PCNT: variants seen among roughly 807,000 people sequenced by gnomAD.
PCNT encodes kendrin.
In PCNT, 319 loss-of-function variants were observed where a neutral mutation model predicts 380.4. The observed-to-expected ratio is 0.84, with a 90% CI of 0.77 to 0.92. PCNT has a LOEUF of 0.92. Among genes scored for constraint, PCNT ranks in the 40% least tolerant of loss-of-function variants. The pLI is 0.00. For missense variants in PCNT, 4,400 were observed against 4,255.3 expected (o/e 1.03, Z -0.95); for synonymous variants, 1,845 against 1,735.2 (o/e 1.06, Z -1.57).
intron 13 of PCNT, among the ~76,000 whole-genome samples, chr21:46,357,767 C>G (rs1396576160): frequency 3.3e-5 from 5 of 152,174 alleles, no homozygotes; most frequent in Non-Finnish European, 7.4e-5. Context: ...GTCCAGGTGT[C>G]CTAAGAGGGC....
chr21:46,397,889 G>T, intron 22 of PCNT, 125 bp from the exon 23 acceptor site: 1 of 713,942 alleles, frequency 1.4e-6, no homozygotes, highest in Non-Finnish European at 2.5e-6. Flanking sequence ...GATGAGGGGG[G>T]TATTTGGAGT....
chr21:46,415,138 TCC>T (rs998371861), intron 29 of PCNT, among the ~76,000 whole-genome samples: 20 of 152,238 alleles, frequency 1.3e-4, no homozygotes, highest in Non-Finnish European at 2.2e-4. Flanking sequence ...TGCCGCCTGT[TCC>T]TGGGTCCACA....
At position 46,436,997 on chromosome 21, in the gene PCNT, G is replaced by A. The variant is rs79359463; in HGVS notation, c.9015G>A (p.Thr3005=). Residue 3005 remains threonine (T), a synonymous_variant, in exon 40 of 47, where the codon ACG becomes ACA. Transcript: ENST00000359568. ...QAVDRTVNDW[T]SSNEKAVMSL... ...TTTACAGGACAGTTAATGATTGGAC[G>A]TCATCCAATGAGAAAGCAGTGATGT... The A allele has an allele frequency of 1.7e-3, 2,783 of 1,613,778 alleles. 38 individuals are homozygous for A. In the African/African-American group the frequency reaches 0.032, roughly 19 times the overall value.
chr21:46,388,814 G>A lies in PCNT; in HGVS notation c.3537G>A (p.Leu1179=). 1.2e-6 allele frequency: 2 copies of A among 1,613,350 alleles called. No homozygotes were observed. Among genetic ancestry groups the A allele is most frequent in the Non-Finnish European group, 1.7e-6 (2 of 1,179,970 alleles). The change falls in exon 18 of 47, where the codon CTG becomes CTA. Residue 1179 remains leucine (L), a synonymous_variant. Coordinates refer to ENST00000359568, the MANE Select transcript of PCNT (RefSeq NM_006031.6). The surrounding 1 kb of genome is among the most constrained non-coding windows in gnomAD (Gnocchi z 4.2). ...FGETLRAAVT[L]RSRIGERVGL... is the part of the protein sequence containing the mutation. ...AGACGCTGAGGGCAGCCGTCACCCT[G>A]AGGAGCCGGATCGGGGAGCGCGTGG... is the stretch of plus-strand genomic sequence containing the variant.
intron 15 of PCNT, among the ~76,000 whole-genome samples, chr21:46,377,575 C>T (rs1042884608): frequency 1.3e-5 from 2 of 152,092 alleles, no homozygotes; most frequent in Non-Finnish European, 2.9e-5. Flanking sequence ...TATTTCATCA[C>T]CTCAAAAAGA....
intron 16 of PCNT, among the ~76,000 whole-genome samples, chr21:46,383,795 G>A (rs2085696908): frequency 1.5e-5 from 2 of 133,650 alleles, no homozygotes; most frequent in South Asian, 5.0e-4. Flanking sequence ...TGCGTTCAGT[G>A]GCAGAAGCGC....
intron 2 of PCNT, among the ~76,000 whole-genome samples, chr21:46,331,421 C>T (rs1267673873): frequency 6.6e-6 from 1 of 152,088 alleles, no homozygotes; most frequent in Non-Finnish European, 1.5e-5. Context: ...GGTAAATATT[C>T]AGGATTCGGC....
At chr21:46,418,768 C>T (rs914295771) in intron 31 of PCNT, among the ~76,000 whole-genome samples, 17 of 152,236 alleles carry the variant, frequency 1.1e-4, no homozygotes, top group African/African-American at 2.4e-4. Flanking sequence ...CCTCTCTCTG[C>T]TGTGGGTTTC....
Position 46,346,967 on chromosome 21 carries a change from G to C in PCNT, c.945G>C (p.Glu315Asp). The change falls in exon 5 of 47, where the codon GAG becomes GAC. Residue 315 changes from glutamate (E) to aspartate (D), a missense_variant. By Grantham distance (45) the Glu-to-Asp change is conservative (BLOSUM62 2). Coordinates refer to ENST00000359568, the MANE Select transcript of PCNT (RefSeq NM_006031.6). Reference protein sequence around the residue: ...LLREQHAREKEEVVLRCGQEA... With the variant: ...LLREQHAREKDEVVLRCGQEA... ...GGGAGCAGCACGCACGGGAGAAGGA[G>C]GAGGTGGTGCTCAGGTGTGGACAGG... is the stretch of plus-strand genomic sequence containing the variant. 1.3e-6 allele frequency: 2 copies of C among 1,596,690 alleles called. No homozygotes were observed. Among genetic ancestry groups the C allele is most frequent in the Non-Finnish European group, 1.7e-6 (2 of 1,173,892 alleles).
chr21:46,349,877 T>G (rs1030318666), intron 8 of PCNT, 57 bp downstream of exon 8: 24 of 1,520,522 alleles, frequency 1.6e-5, no homozygotes, highest in Non-Finnish European at 2.2e-5. Flanking sequence ...TTTAACAGAT[T>G]TTGGAATTGG....
chr21:46,402,639 C>T (rs909479534), intron 27 of PCNT, among the ~76,000 whole-genome samples, 156 bp downstream of exon 27: 1 of 152,182 alleles, frequency 6.6e-6, no homozygotes, highest in Non-Finnish European at 1.5e-5. Flanking sequence ...CCGATTCTGC[C>T]TGGGGACATG....
At position 46,411,474 on chromosome 21, in the gene PCNT, G is replaced by C; in HGVS notation, c.5401G>C (p.Ala1801Pro). Reference sequence around the variant, plus strand: ...CGAGGCTGCGCTGGAAGCCAAGGAGGCCCTGAGCCGGCTGCTGGCTGACCA... The same window carrying C: ...CGAGGCTGCGCTGGAAGCCAAGGAGCCCCTGAGCCGGCTGCTGGCTGACCA... Reference protein sequence around the residue: ...ELEAALEAKEALSRLLADQER... With the variant: ...ELEAALEAKEPLSRLLADQER... Residue 1801 changes from alanine (A) to proline (P), a missense_variant, in exon 28 of 47, where the codon GCC becomes CCC. Ala to Pro is a conservative substitution (Grantham distance 27). Transcript: ENST00000359568. The C allele has an allele frequency of 6.2e-7, 1 of 1,609,776 alleles. No individual in the cohort carries two copies. Among genetic ancestry groups the C allele is most frequent in the Non-Finnish European group, 8.5e-7 (1 of 1,178,798 alleles).
intron 30 of PCNT, 63 bp downstream of exon 30, chr21:46,416,902 C>G: frequency 6.6e-7 from 1 of 1,519,494 alleles, no homozygotes; most frequent in Non-Finnish European, 8.9e-7. Context: ...CCCGGCGCCA[C>G]GGCAGCTGCC....
intron 28 of PCNT, 92 bp downstream of exon 28, chr21:46,412,159 G>A (rs918356307): frequency 1.4e-6 from 2 of 1,426,982 alleles, no homozygotes; most frequent in Non-Finnish European, 9.5e-7. Context: ...CTGGGCACTG[G>A]GGGCTGCAGT....
chr21:46,384,949 G>A (rs2085776104), intron 16 of PCNT, among the ~76,000 whole-genome samples: 1 of 152,240 alleles, frequency 6.6e-6, no homozygotes, highest in African/African-American at 2.4e-5. Flanking sequence ...TCACGGTGTT[G>A]TACATTCGGT....
chr21:46,443,555 C>T (rs571346704), intron 44 of PCNT, among the ~76,000 whole-genome samples: 13 of 152,282 alleles, frequency 8.5e-5, no homozygotes, highest in African/African-American at 2.4e-4. Flanking sequence ...GGCAGGACCC[C>T]CACCCAGGTC....
intron 30 of PCNT, 147 bp from the exon 31 acceptor site, chr21:46,418,057 G>A (rs995571269): frequency 2.2e-5 from 14 of 647,602 alleles, no homozygotes; most frequent in Non-Finnish European, 3.6e-5. Flanking sequence ...GGAAGCATTC[G>A]ACCTGTGTGT....
Position 46,425,904 on chromosome 21 carries a change from G to T in PCNT, c.7253G>T (p.Gly2418Val). ...ALSEGLAPPS[G>V]EPHPPRKEDE... ...TCAGAAGGCCTTGCACCCCCAAGCG[G>T]CGAGCCACACCCACCCCGGAAGGAA... is the stretch of plus-strand genomic sequence containing the variant. The change falls in exon 33 of 47, where the codon GGC (glycine) becomes GTC (valine). Residue 2418 changes from glycine (G) to valine (V), a missense_variant. Coordinates refer to ENST00000359568, the MANE Select transcript of PCNT (RefSeq NM_006031.6). The surrounding 1 kb of genome is among the most constrained non-coding windows in gnomAD (Gnocchi z 4.2). 6.2e-7 allele frequency: 1 copy of T among 1,613,904 alleles called. No individual in the cohort carries two copies. Among genetic ancestry groups the T allele is most frequent in the South Asian group, 1.1e-5 (1 of 91,076 alleles).
intron 37 of PCNT, 122 bp from the exon 38 acceptor site, chr21:46,431,407 A>C (rs1052134628): frequency 1.3e-6 from 2 of 1,564,402 alleles, no homozygotes; most frequent in Non-Finnish European, 8.7e-7. Flanking sequence ...TGTGGCTAAT[A>C]GGGTGCATTT....
Sources: allele counts gnomAD v4.1 joint callset (sites outside exome capture counted in the v4.1 genomes callset), GRCh38; gene constraint gnomAD v4.1.1; non-coding constraint Gnocchi (gnomAD v3.1); transcripts MANE v1.5; gene names NCBI Gene and HGNC (gene_info 2026-07-23, HGNC 2026-07-21).